Variants in SCAMP5 observed in about 807,000 individuals in gnomAD.
SCAMP5 encodes secretory carrier membrane protein 5, also known as secretory carrier-associated membrane protein 5.
SCAMP5 carries 7 observed loss-of-function variants against 28.3 expected under a neutral mutation model. That is an observed-to-expected ratio of 0.25 (90% confidence interval 0.14 to 0.46). The LOEUF (loss-of-function observed/expected upper bound fraction) is 0.46, where lower values mean the gene tolerates loss of function less well. SCAMP5 is among the 20% of genes least tolerant of loss of function. The probability of loss-of-function intolerance (pLI) is 0.99; values close to 1 mark genes in which losing one functional copy is unlikely to be tolerated. For missense variants in SCAMP5, 192 were observed against 312.5 expected (o/e 0.61, Z 2.91); for synonymous variants, 117 against 116.4 (o/e 1.00, Z -0.03).
In SCAMP5 at chr15:75,016,765, T is replaced by C; in HGVS notation, c.293+16T>C. The stretch of plus-strand genomic sequence containing the variant: ...AGGCCTTCAAGTAAGTGGTTGGTGC[T>C]ATCCGCAGTGCCTAGCCGTCTCTGC... On this transcript the variant is annotated intron_variant, in intron 4 of 6. Coordinates refer to ENST00000425597, the MANE Select transcript of SCAMP5 (RefSeq NM_138967.4). The C allele has an allele frequency of 6.2e-7, 1 of 1,608,342 alleles. No homozygotes were observed. The highest frequency in any genetic ancestry group is 8.5e-7 in the Non-Finnish European group (1 of 1,176,098).
At chr15:75,004,942 G>T (rs9672926) in intron 1 of SCAMP5, among the ~76,000 whole-genome samples, 2 of 151,952 alleles carry the variant, frequency 1.3e-5, no homozygotes, top group South Asian at 2.1e-4. Context: ...TTTGGAAGGC[G>T]GAGTTGGGCG....
rs1595890492 is a variant in SCAMP5, at chr15:75,018,761, A to G, written c.514-28A>G. 1.9e-6 allele frequency: 3 copies of G among 1,555,230 alleles called. No homozygotes were observed. The highest frequency in any genetic ancestry group is 3.5e-5 in the Admixed American group (2 of 57,416). ...ATGGGCTGCCTTTTCTCTTTGATTA[A>G]CCCTTCTTTACGCTCTTTTTCCTAC... On this transcript the variant is annotated intron_variant, in intron 6 of 6. Coordinates refer to ENST00000425597, the MANE Select transcript of SCAMP5 (RefSeq NM_138967.4). The surrounding 1 kb of genome is among the most constrained non-coding windows in gnomAD (Gnocchi z 5.6).
At chr15:75,001,346 G>A (rs2065706412) in intron 1 of SCAMP5, among the ~76,000 whole-genome samples, 1 of 152,040 alleles carries the variant, frequency 6.6e-6, no homozygotes, top group South Asian at 2.1e-4. Context: ...ACAGACCAGG[G>A]AGGTGTTCTG....
Position 75,016,579 on chromosome 15 carries a change from T to G in SCAMP5, c.137-14T>G, listed in dbSNP as rs1023805679. On this transcript the variant is annotated splice_polypyrimidine_tract_variant and intron_variant, in intron 3 of 6. Transcript: ENST00000425597. ...TGTCTGTCTCTATGTGTGCATGTGC[T>G]CCTGGGCCTGCAGTGAACAGCGTCA... 4 of 1,609,218 alleles carry G rather than the reference T, an allele frequency of 2.5e-6. No individual in the cohort carries two copies. Among genetic ancestry groups the G allele is most frequent in the Non-Finnish European group, 2.5e-6 (3 of 1,178,260 alleles).
chr15:75,014,314 G>A (rs1042173653), intron 3 of SCAMP5, among the ~76,000 whole-genome samples: 1 of 152,194 alleles, frequency 6.6e-6, no homozygotes, highest in African/African-American at 2.4e-5. Context: ...CTGAGAGAAG[G>A]GGGGATGGGA....
intron 1 of SCAMP5, chr15:75,011,554 G>A: frequency 3.2e-6 from 1 of 311,956 alleles, no homozygotes; most frequent in Non-Finnish European, 5.9e-6. Flanking sequence ...ACCCTTGGAT[G>A]GGGTTTTCAG....
chr15:75,012,914 C>T (rs775024266), intron 3 of SCAMP5, 109 bp downstream of exon 3: 27 of 1,075,502 alleles, frequency 2.5e-5, no homozygotes, highest in Non-Finnish European at 3.5e-5. Context: ...CCTTCAGTCC[C>T]ACTTGTGGCA....
chr15:75,019,085 T>C lies in SCAMP5; in HGVS notation c.*102T>C. The C allele has an allele frequency of 1.4e-6, 1 of 696,328 alleles. No individual in the cohort carries two copies. Among genetic ancestry groups the C allele is most frequent in the East Asian group, 3.0e-5 (1 of 33,446 alleles). The allele number at this position is 696,328 out of a possible 1,614,324, so 43.1% of individuals were successfully genotyped here. ...CCAAGCAGGGTTCCCCCTTCCCTTTTCTCCTTCCCTACTTTGTACAAAGGA... is the reference window on the plus strand; with the variant it reads ...CCAAGCAGGGTTCCCCCTTCCCTTTCCTCCTTCCCTACTTTGTACAAAGGA... On this transcript the variant is annotated 3_prime_UTR_variant, in exon 7 of 7. Transcript: ENST00000425597.
chr15:75,003,198 C>T (rs2065725702), intron 1 of SCAMP5, among the ~76,000 whole-genome samples: 1 of 152,238 alleles, frequency 6.6e-6, no homozygotes, highest in Admixed American at 6.5e-5. Flanking sequence ...GCTGGGATTA[C>T]AGGCGTGAGC....
intron 1 of SCAMP5, among the ~76,000 whole-genome samples, chr15:74,999,647 C>A (rs2065684331): frequency 6.6e-6 from 1 of 151,880 alleles, no homozygotes; most frequent in African/African-American, 2.4e-5. Flanking sequence ...TAAAAAAACA[C>A]AAAAGTTAGC....
In SCAMP5 at chr15:75,014,547, T is replaced by C. The variant is rs572184481; in HGVS notation, c.136+1742T>C. Reference sequence around the variant, plus strand: ...ATTGGCTGATGTGAATTTACAGTCTTCCTCATGGGGTCCCCTTTTTTCTTA... The same window carrying C: ...ATTGGCTGATGTGAATTTACAGTCTCCCTCATGGGGTCCCCTTTTTTCTTA... On this transcript the variant is annotated intron_variant, in intron 3 of 6. Coordinates refer to ENST00000425597, the MANE Select transcript of SCAMP5 (RefSeq NM_138967.4). 7.9e-5 allele frequency among the ~76,000 whole-genome samples: 12 copies of C among 152,352 alleles called. No individual in the cohort carries two copies. The South Asian group carries it at 2.5e-3, about 32-fold the overall frequency.
intron 1 of SCAMP5, among the ~76,000 whole-genome samples, chr15:75,004,102 C>A: frequency 6.6e-6 from 1 of 151,924 alleles, no homozygotes; most frequent in Non-Finnish European, 1.5e-5. Context: ...CAGGGTTTCT[C>A]CATGTTGGTC....
rs1408294497 is a variant in SCAMP5, at chr15:75,020,544, C to G, written c.*1561C>G. On this transcript the variant is annotated 3_prime_UTR_variant, in exon 7 of 7. Transcript: ENST00000425597. ...GCCTTGGTCTTGGCTTGTCCTCACCCAGTCGGAACTCCCTACCACTTTCAG... is the reference window on the plus strand; with the variant it reads ...GCCTTGGTCTTGGCTTGTCCTCACCGAGTCGGAACTCCCTACCACTTTCAG... 1 of 152,350 alleles carries G rather than the reference C, an allele frequency of 6.6e-6. No individual in the cohort carries two copies. Among genetic ancestry groups the G allele is most frequent in the Non-Finnish European group, 1.5e-5 (1 of 68,110 alleles). 9.4% of individuals were successfully genotyped at this position (152,350 alleles called of 1,614,324 possible).
chr15:75,000,384 T>A (rs1409417241), intron 1 of SCAMP5, among the ~76,000 whole-genome samples: 3 of 138,846 alleles, frequency 2.2e-5, no homozygotes, highest in Non-Finnish European at 4.6e-5. Flanking sequence ...AAAAAACCTT[T>A]AAGGCCATTT....
At chr15:75,005,785 C>T (rs79473971) in intron 1 of SCAMP5, among the ~76,000 whole-genome samples, 15,336 of 151,986 alleles carry the variant, frequency 0.1, 994 homozygotes, top group Middle Eastern at 0.29. Context: ...AGTGCAGTGG[C>T]GCGATCTCGT....
chr15:75,015,161 G>A (rs1465521420), intron 3 of SCAMP5, among the ~76,000 whole-genome samples: 1 of 148,324 alleles, frequency 6.7e-6, no homozygotes, highest in Non-Finnish European at 1.5e-5. Context: ...CCAAGGAAAT[G>A]TATATAACCC....
At chr15:75,016,325 G>A (rs138342904) in intron 3 of SCAMP5, among the ~76,000 whole-genome samples, 111 of 152,248 alleles carry the variant, frequency 7.3e-4, no homozygotes, top group Non-Finnish European at 1.1e-3. Flanking sequence ...CCCAGCTTGC[G>A]TTCTTACAGT....
intron 1 of SCAMP5, among the ~76,000 whole-genome samples, chr15:75,008,046 A>G (rs2065777232): frequency 6.6e-6 from 1 of 151,972 alleles, no homozygotes; most frequent in Non-Finnish European, 1.5e-5. Context: ...CTAGGAGAAC[A>G]TAGGAGAACC....
chr15:75,018,346 C>T lies in SCAMP5; in HGVS notation c.396-72C>T, dbSNP rs574515458. 3 of 895,462 alleles carry T rather than the reference C, an allele frequency of 3.4e-6. No homozygotes were observed. Among genetic ancestry groups the T allele is most frequent in the Non-Finnish European group, 5.7e-6 (3 of 525,254 alleles). The allele number at this position is 895,462 out of a possible 1,614,324, so 55.5% of individuals were successfully genotyped here. A position where few individuals can be genotyped will look rare whatever the true frequency, so the allele number is the denominator to read the frequency against. On this transcript the variant is annotated intron_variant, in intron 5 of 6. Coordinates refer to ENST00000425597, the MANE Select transcript of SCAMP5 (RefSeq NM_138967.4). This position sits in a 1 kb window ranked among gnomAD's most constrained non-coding sequence, Gnocchi z 5.6. ...TTCCTCCCTGTGGCAATGAGACGGT[C>T]CCTTCCTCTAGCGGGGGGCTCCTGG...
Sources: gnomAD v4.1 joint callset for allele counts (sites outside exome capture counted in the v4.1 genomes callset) on GRCh38, gnomAD v4.1.1 for gene constraint, Gnocchi (gnomAD v3.1) non-coding constraint, MANE v1.5 for transcripts, NCBI Gene and HGNC (gene_info 2026-07-23, HGNC 2026-07-21) for gene names.